The following PSMD14 variants were observed in gnomAD, a reference collection of about 807,000 sequenced individuals.
PSMD14 encodes ubiquitin C-terminal hydrolase PSMD14.
PSMD14 carries 7 observed loss-of-function variants against 41.2 expected under a neutral mutation model. That is an observed-to-expected ratio of 0.17 (90% CI 0.10 to 0.32). The LOEUF is 0.32. Among genes scored for constraint, PSMD14 ranks in the 10% least tolerant of loss-of-function variants. The pLI, the probability that PSMD14 is intolerant of heterozygous loss-of-function variation, is 1.00. For missense variants in PSMD14, 139 were observed against 375.6 expected (o/e 0.37, Z 5.21); for synonymous variants, 114 against 122.3 (o/e 0.93, Z 0.45).
chr2:161,318,686 C>T (rs1050161395), intron 2 of PSMD14, 136 bp from the exon 3 acceptor site: 7 of 665,602 alleles, frequency 1.1e-5, no homozygotes, highest in Non-Finnish European at 1.6e-5. Flanking sequence ...TGTTAATTAA[C>T]AGGAAGTCTG....
chr2:161,377,688 A>G (rs1683521139), intron 7 of PSMD14, among the ~76,000 whole-genome samples: 1 of 151,874 alleles, frequency 6.6e-6, no homozygotes, highest in South Asian at 2.1e-4. Context: ...ATGCTTTACT[A>G]CTTGCTGTGC....
intron 3 of PSMD14, chr2:161,340,788 T>G: frequency 1.2e-6 from 2 of 1,613,324 alleles, no homozygotes; most frequent in African/African-American, 1.3e-5. Flanking sequence ...GGAAAAGCCT[T>G]TAGGAGGACG....
chr2:161,313,709 T>A (rs942416200), intron 1 of PSMD14, among the ~76,000 whole-genome samples: 1 of 152,218 alleles, frequency 6.6e-6, no homozygotes, highest in African/African-American at 2.4e-5. Flanking sequence ...TCTTCATATA[T>A]CATCCTTTGA....
At chr2:161,322,858 A>G (rs987120547) in intron 3 of PSMD14, among the ~76,000 whole-genome samples, 1 of 152,150 alleles carries the variant, frequency 6.6e-6, no homozygotes, top group Non-Finnish European at 1.5e-5. Flanking sequence ...GTAAATAATC[A>G]AAGTCCCCAT....
chr2:161,324,301 A>T (rs188347524), intron 3 of PSMD14, among the ~76,000 whole-genome samples: 17 of 152,358 alleles, frequency 1.1e-4, no homozygotes, highest in African/African-American at 3.8e-4. Flanking sequence ...CCTAGTACAC[A>T]TTAACTACTT....
intron 11 of PSMD14, among the ~76,000 whole-genome samples, chr2:161,411,087 GCTTTC>G (rs1684016596): frequency 6.6e-6 from 1 of 152,006 alleles, no homozygotes; most frequent in African/African-American, 2.4e-5. Context: ...TATAAATCAA[GCTTTC>G]ATTGTGTAAT....
chr2:161,395,227 T>C (rs1296068291), intron 10 of PSMD14, 24 bp downstream of exon 10: 11 of 1,537,802 alleles, frequency 7.2e-6, no homozygotes, highest in Non-Finnish European at 9.7e-6. Flanking sequence ...CTGCCATTTC[T>C]TCTTTATAAT....
intron 3 of PSMD14, among the ~76,000 whole-genome samples, chr2:161,345,759 T>C (rs1342877434): frequency 6.6e-6 from 1 of 152,222 alleles, no homozygotes; most frequent in Admixed American, 6.5e-5. Context: ...TCTATTCTCC[T>C]ACCACCCTTC....
At chr2:161,323,480 TG>T (rs1682641214) in intron 3 of PSMD14, among the ~76,000 whole-genome samples, 1 of 152,130 alleles carries the variant, frequency 6.6e-6, no homozygotes. Flanking sequence ...CTGGCCAACA[TG>T]GGGAAACCCC....
chr2:161,407,386 T>C (rs1311582069), intron 10 of PSMD14: 1 of 152,166 alleles, frequency 6.6e-6, no homozygotes, highest in African/African-American at 2.4e-5. Context: ...TTCGGGCTTA[T>C]GAGTCATAAA....
At chr2:161,397,175 T>C (rs1342828927) in intron 10 of PSMD14, among the ~76,000 whole-genome samples, 1 of 152,106 alleles carries the variant, frequency 6.6e-6, no homozygotes, top group Non-Finnish European at 1.5e-5. Flanking sequence ...AGAACCTGAC[T>C]TTAGAAACAT....
intron 10 of PSMD14, among the ~76,000 whole-genome samples, chr2:161,402,483 C>T (rs962542458): frequency 6.6e-6 from 1 of 151,818 alleles, no homozygotes; most frequent in Admixed American, 6.6e-5. Context: ...TACACAAACA[C>T]ACACAGAATT....
intron 10 of PSMD14, among the ~76,000 whole-genome samples, chr2:161,399,121 A>G (rs1463689680): frequency 6.6e-5 from 10 of 152,288 alleles, no homozygotes; most frequent in African/African-American, 1.7e-4. Flanking sequence ...ATGTAAATGT[A>G]TAAGTGTGTA....
chr2:161,368,674 G>A (rs543145475), intron 5 of PSMD14, among the ~76,000 whole-genome samples: 5 of 152,080 alleles, frequency 3.3e-5, no homozygotes, highest in Non-Finnish European at 4.4e-5. Flanking sequence ...TTTTCCAAGC[G>A]ATATTTCTTC....
intron 3 of PSMD14, chr2:161,340,863 T>A: frequency 5.6e-6 from 9 of 1,614,000 alleles, no homozygotes; most frequent in African/African-American, 1.3e-5. Context: ...GGTCATCATC[T>A]TCTCGTACTG....
intron 3 of PSMD14, among the ~76,000 whole-genome samples, chr2:161,358,418 T>C (rs1683236736): frequency 6.6e-6 from 1 of 152,168 alleles, no homozygotes; most frequent in Non-Finnish European, 1.5e-5. Flanking sequence ...ATGTCTAGGA[T>C]TGGAAATATG....
At chr2:161,389,988 C>T (rs959591939) in intron 8 of PSMD14, among the ~76,000 whole-genome samples, 1 of 143,896 alleles carries the variant, frequency 6.9e-6, no homozygotes. Flanking sequence ...CCTCAGCCTC[C>T]CAGAGTGCTG....
chr2:161,329,438 T>G (rs1458800765), intron 3 of PSMD14, among the ~76,000 whole-genome samples: 2 of 152,146 alleles, frequency 1.3e-5, no homozygotes, highest in Non-Finnish European at 2.9e-5. Context: ...TTTCTTTATA[T>G]TCTTTGAATT....
intron 7 of PSMD14, among the ~76,000 whole-genome samples, chr2:161,381,027 A>G (rs1000252283): frequency 6.6e-6 from 1 of 151,898 alleles, no homozygotes; most frequent in Non-Finnish European, 1.5e-5. Context: ...TCATTTTTAT[A>G]ATCATTTAGA....
Sources: gnomAD v4.1 joint callset for allele counts (sites outside exome capture counted in the v4.1 genomes callset) on GRCh38, gnomAD v4.1.1 for gene constraint, MANE v1.5 for transcripts, NCBI Gene and HGNC (gene_info 2026-07-23, HGNC 2026-07-21) for gene names.